The following ZNF385D variants were observed in gnomAD, a reference collection of about 807,000 sequenced individuals.
ZNF385D encodes the protein zinc finger protein 385D.
Under a neutral mutation model 35.8 loss-of-function variants are expected in ZNF385D, and 15 were observed. The observed-to-expected ratio is 0.42, with a 90% CI of 0.28 to 0.64. The LOEUF is 0.64. ZNF385D is among the 30% of genes least tolerant of loss of function. The pLI, the probability that ZNF385D is intolerant of heterozygous loss-of-function variation, is 0.23. For synonymous variants in ZNF385D, 212 were observed against 186.8 expected (o/e 1.13, Z -1.10); for missense variants, 474 against 494.6 (o/e 0.96, Z 0.39).
At chr3:22,137,048 C>G (rs923770638) in intron 3 of ZNF385D, among the ~76,000 whole-genome samples, 1 of 152,126 alleles carries the variant, frequency 6.6e-6, no homozygotes, top group Non-Finnish European at 1.5e-5. Context: ...ATGTATAACA[C>G]AAGGATTGAG....
At chr3:22,188,246 T>G (rs1695772449) in intron 2 of ZNF385D, among the ~76,000 whole-genome samples, 1 of 152,184 alleles carries the variant, frequency 6.6e-6, no homozygotes, top group African/African-American at 2.4e-5. Context: ...TGTAGTTTCA[T>G]AAGATACTGC....
chr3:22,130,969 C>T (rs2125685519), intron 3 of ZNF385D, among the ~76,000 whole-genome samples: 1 of 151,996 alleles, frequency 6.6e-6, no homozygotes, highest in South Asian at 2.1e-4. Context: ...GTTTCTGGAG[C>T]TTGGAAGACA....
intron 3 of ZNF385D, among the ~76,000 whole-genome samples, chr3:22,009,495 T>C (rs144301804): frequency 0.16 from 24,881 of 151,082 alleles, 2,185 homozygotes; most frequent in Non-Finnish European, 0.19. Flanking sequence ...TGGTGTCGGG[T>C]GCCTATAGTC....
At chr3:21,462,598 A>T (rs1213626632) in intron 4 of ZNF385D, among the ~76,000 whole-genome samples, 1 of 152,128 alleles carries the variant, frequency 6.6e-6, no homozygotes, top group Admixed American at 6.5e-5. Flanking sequence ...TTAAAAGACA[A>T]ATTAAATCAA....
chr3:21,661,374 T>G (rs1037223910), intron 2 of ZNF385D, among the ~76,000 whole-genome samples: 1 of 152,194 alleles, frequency 6.6e-6, no homozygotes, highest in Non-Finnish European at 1.5e-5. Context: ...ACAAACTGAA[T>G]TGTTTTCATG....
chr3:21,616,037 A>G (rs763648757), intron 2 of ZNF385D, among the ~76,000 whole-genome samples: 5 of 152,194 alleles, frequency 3.3e-5, no homozygotes, highest in Non-Finnish European at 7.3e-5. Context: ...AATTGTAATC[A>G]GGCATCAAGT....
intron 3 of ZNF385D, among the ~76,000 whole-genome samples, chr3:21,979,076 G>C (rs566689437): frequency 6.6e-6 from 1 of 152,072 alleles, no homozygotes; most frequent in Admixed American, 6.6e-5. Flanking sequence ...AAATAGTTGT[G>C]ACTATCTCCA....
chr3:21,940,746 C>T (rs1701478231), intron 3 of ZNF385D, among the ~76,000 whole-genome samples: 1 of 152,206 alleles, frequency 6.6e-6, no homozygotes, highest in Non-Finnish European at 1.5e-5. Context: ...ATAAAGAGTT[C>T]ATATACAGTG....
intron 1 of ZNF385D, among the ~76,000 whole-genome samples, chr3:21,727,000 C>T (rs1018331649): frequency 2.0e-5 from 3 of 151,974 alleles, no homozygotes; most frequent in Middle Eastern, 3.2e-3. Context: ...CAGAACAGAG[C>T]CCTCAGAAAT....
At chr3:21,607,961 G>T (rs1418347194) in intron 2 of ZNF385D, among the ~76,000 whole-genome samples, 3 of 148,114 alleles carry the variant, frequency 2.0e-5, no homozygotes, top group Non-Finnish European at 4.5e-5. Flanking sequence ...GAATTTTATT[G>T]TGTTACCTTT....
Position 21,816,484 on chromosome 3 carries a change from T to C in ZNF385D, c.326-151456A>G, listed in dbSNP as rs543760324. On this transcript the variant is annotated intron_variant, in intron 3 of 5. Transcript: ENST00000494108. ...GCTGTTAAGCAACTTCAGCAAAGTC[T>C]CAAGATACAAAATCAATATGCAAAT... Among the ~76,000 whole-genome samples, 373 of 152,292 alleles carry C rather than the reference T, an allele frequency of 2.4e-3. 3 individuals carry two copies. Among genetic ancestry groups the C allele is most frequent in the African/African-American group, 8.4e-3 (349 of 41,564 alleles).
At chr3:21,729,747 G>A (rs1050853810) in intron 1 of ZNF385D, among the ~76,000 whole-genome samples, 2 of 152,130 alleles carry the variant, frequency 1.3e-5, no homozygotes, top group African/African-American at 4.8e-5. Flanking sequence ...ATAACCCAGG[G>A]GGATGACATC....
intron 3 of ZNF385D, among the ~76,000 whole-genome samples, chr3:22,002,019 T>C (rs12107666): frequency 0.51 from 77,142 of 151,330 alleles, 20,614 homozygotes; most frequent in African/African-American, 0.67. Flanking sequence ...CTTGTAACAA[T>C]ATAGCTCAAG....
At chr3:22,175,458 G>GA (rs71618885) in intron 2 of ZNF385D, among the ~76,000 whole-genome samples, 14,422 of 144,562 alleles carry the variant, frequency 0.1, 835 homozygotes, top group Non-Finnish European at 0.14. Flanking sequence ...GAAAAAATGA[G>GA]AAAAAAAAAG....
intron 3 of ZNF385D, among the ~76,000 whole-genome samples, chr3:22,042,523 T>G (rs1429505820): frequency 6.6e-6 from 1 of 152,156 alleles, no homozygotes; most frequent in Non-Finnish European, 1.5e-5. Flanking sequence ...CTATAAGGTA[T>G]TCACATAATT....
intron 3 of ZNF385D, among the ~76,000 whole-genome samples, chr3:21,864,641 G>T (rs577952665): frequency 9.9e-5 from 15 of 151,946 alleles, no homozygotes; most frequent in African/African-American, 3.6e-4. Context: ...ATTTTCTCAG[G>T]GACTAGACAA....
At chr3:22,146,793 A>G (rs1314898636) in intron 3 of ZNF385D, among the ~76,000 whole-genome samples, 1 of 152,172 alleles carries the variant, frequency 6.6e-6, no homozygotes, top group Non-Finnish European at 1.5e-5. Context: ...ATTGCTGAGT[A>G]GACCAAAATA....
intron 3 of ZNF385D, among the ~76,000 whole-genome samples, chr3:21,881,285 G>A (rs568896028): frequency 3.9e-5 from 6 of 152,088 alleles, no homozygotes; most frequent in African/African-American, 1.4e-4. Flanking sequence ...GGCTGACTCT[G>A]TTGGGAGAGG....
intron 3 of ZNF385D, among the ~76,000 whole-genome samples, chr3:21,560,214 G>A (rs1440987484): frequency 1.3e-5 from 2 of 152,194 alleles, no homozygotes; most frequent in Non-Finnish European, 2.9e-5. Context: ...GCGAGGAGTT[G>A]TGATCCTTTG....
Sources: gnomAD v4.1 joint callset for allele counts (sites outside exome capture counted in the v4.1 genomes callset) on GRCh38, gnomAD v4.1.1 for gene constraint, MANE v1.5 for transcripts, NCBI Gene and HGNC (gene_info 2026-07-23, HGNC 2026-07-21) for gene names.